Variants in FERMT2 observed in about 807,000 individuals in gnomAD.
The protein encoded by FERMT2 is fermitin family homolog 2.
A neutral mutation model predicts 82.7 loss-of-function variants in FERMT2; 15 were observed. The ratio of observed to expected loss-of-function variants is 0.18; its 90% CI spans 0.12 to 0.28. FERMT2 has a LOEUF of 0.28. Among genes scored for constraint, FERMT2 ranks in the 10% least tolerant of loss-of-function variants. FERMT2 has a pLI of 1.00. For synonymous variants in FERMT2, 274 were observed against 271.5 expected, an observed-to-expected ratio of 1.01 and a Z score of -0.09; for missense variants, 645 against 809.4, an observed-to-expected ratio of 0.80 and a Z score of 2.46.
intron 12 of FERMT2, 133 bp downstream of exon 12, chr14:52,864,268 C>T (rs1281534140): frequency 4.7e-6 from 3 of 640,644 alleles, no homozygotes; most frequent in Non-Finnish European, 8.1e-6. Context: ...GATACTCTAA[C>T]TGTATTTTAT....
chr14:52,869,311 A>G (rs887256808), intron 10 of FERMT2, among the ~76,000 whole-genome samples: 2 of 152,186 alleles, frequency 1.3e-5, no homozygotes, highest in African/African-American at 4.8e-5. Context: ...GAGTTTTTCT[A>G]TTTTTTAAAA....
chr14:52,907,902 G>A (rs1450045406), intron 3 of FERMT2, among the ~76,000 whole-genome samples: 1 of 152,098 alleles, frequency 6.6e-6, no homozygotes, highest in African/African-American at 2.4e-5. Flanking sequence ...AGAAAACACT[G>A]TTAATGAAAT....
chr14:52,924,230 G>A (rs1595000963), intron 2 of FERMT2, among the ~76,000 whole-genome samples: 4 of 152,168 alleles, frequency 2.6e-5, no homozygotes, highest in African/African-American at 9.7e-5. Context: ...AGCAGGAGGT[G>A]GCATCAGAGA....
intron 3 of FERMT2, among the ~76,000 whole-genome samples, chr14:52,909,421 A>G (rs1266416273): frequency 6.6e-6 from 1 of 152,212 alleles, no homozygotes; most frequent in Non-Finnish European, 1.5e-5. Context: ...ATCCAGTTCC[A>G]GCAACCACTT....
intron 13 of FERMT2, 108 bp from the exon 14 acceptor site, chr14:52,859,822 T>A: frequency 2.5e-6 from 1 of 404,294 alleles, no homozygotes; most frequent in Non-Finnish European, 4.0e-6. Flanking sequence ...GTACTATTCT[T>A]TTTTTTTTTT....
At chr14:52,871,437 C>T (rs1041703074) in intron 10 of FERMT2, 1 of 152,190 alleles carries the variant, frequency 6.6e-6, no homozygotes, top group Non-Finnish European at 1.5e-5. Context: ...GGTATCTACA[C>T]TGAAAGTGAA....
At chr14:52,946,107 C>A (rs1261482117) in intron 2 of FERMT2, among the ~76,000 whole-genome samples, 3 of 152,142 alleles carry the variant, frequency 2.0e-5, no homozygotes, top group African/African-American at 7.2e-5. Context: ...GAGCTCCTAA[C>A]CTTCTGATCT....
intron 3 of FERMT2, among the ~76,000 whole-genome samples, chr14:52,915,750 A>T (rs1888580434): frequency 6.6e-6 from 1 of 152,242 alleles, no homozygotes; most frequent in Non-Finnish European, 1.5e-5. Context: ...AACCAATGTT[A>T]ACTTCTACAT....
chr14:52,943,420 G>A (rs2139704432), intron 2 of FERMT2, among the ~76,000 whole-genome samples: 1 of 152,132 alleles, frequency 6.6e-6, no homozygotes, highest in East Asian at 1.9e-4. Flanking sequence ...TCCACACTTG[G>A]TGGCTGTTCT....
intron 12 of FERMT2, chr14:52,860,910 TTTTAAA>T (rs2140049675): frequency 6.0e-6 from 5 of 826,604 alleles, no homozygotes; most frequent in Non-Finnish European, 9.7e-6. Context: ...ATCATTTCTA[TTTTAAA>T]TTTAAATTTC....
At chr14:52,862,973 A>C (rs915080686) in intron 12 of FERMT2, 1 of 152,244 alleles carries the variant, frequency 6.6e-6, no homozygotes, top group African/African-American at 2.4e-5. Context: ...GAAATGATAA[A>C]ATTGGTCAGG....
chr14:52,941,021 G>C (rs906069145), intron 2 of FERMT2, among the ~76,000 whole-genome samples: 1 of 152,106 alleles, frequency 6.6e-6, no homozygotes, highest in South Asian at 2.1e-4. Context: ...GCATTCACAC[G>C]GATGTTTACA....
At chr14:52,907,157 T>G (rs1413243903) in intron 3 of FERMT2, among the ~76,000 whole-genome samples, 1 of 152,072 alleles carries the variant, frequency 6.6e-6, no homozygotes, top group Non-Finnish European at 1.5e-5. Context: ...GAACTACAGG[T>G]GCATGCCACC....
intron 3 of FERMT2, among the ~76,000 whole-genome samples, chr14:52,911,026 T>C (rs1390833116): frequency 6.6e-6 from 1 of 152,200 alleles, no homozygotes; most frequent in Non-Finnish European, 1.5e-5. Context: ...AGTTATATAC[T>C]GTCACTTCAG....
At chr14:52,930,737 C>A (rs1043311709) in intron 2 of FERMT2, among the ~76,000 whole-genome samples, 8 of 152,156 alleles carry the variant, frequency 5.3e-5, no homozygotes, top group Non-Finnish European at 8.8e-5. Context: ...TTTTAACTTG[C>A]TTTCCTTTCC....
chr14:52,896,559 C>T lies in FERMT2; in HGVS notation c.392-3132G>A, dbSNP rs191181000. On this transcript the variant is annotated intron_variant, in intron 3 of 14. Coordinates refer to ENST00000341590, the MANE Select transcript of FERMT2 (RefSeq NM_006832.3). ...TAGCTGTGTGACTCTGGACAAGCTA[C>T]TCAGCCTGTCGGTGTCTGAGTTTCC... is the stretch of plus-strand genomic sequence containing the variant. 1.4e-4 allele frequency among the ~76,000 whole-genome samples: 22 copies of T among 152,366 alleles called. No homozygotes were observed. In the East Asian group the frequency reaches 4.2e-3, roughly 29 times the overall value.
At chr14:52,858,657 G>T in intron 14 of FERMT2, 107 bp from the exon 15 acceptor site, 1 of 971,722 alleles carries the variant, frequency 1.0e-6, no homozygotes, top group Non-Finnish European at 1.5e-6. Flanking sequence ...AACACTTGTT[G>T]ATCCTCAAAT....
In FERMT2 at chr14:52,941,148, T is replaced by C. The variant is rs137994822; in HGVS notation, c.157+9264A>G. 5.9e-4 allele frequency among the ~76,000 whole-genome samples: 90 copies of C among 152,270 alleles called. 1 individual carries two copies. The East Asian group carries it at 0.014, about 23-fold the overall frequency. On this transcript the variant is annotated intron_variant, in intron 2 of 14. Coordinates refer to ENST00000341590, the MANE Select transcript of FERMT2 (RefSeq NM_006832.3). ...ACTACTACTCAGTGATAAAAAACTA[T>C]TGATACAAACACATGAACGAAGCTA... is the stretch of plus-strand genomic sequence containing the variant.
rs1594922067 is a variant in FERMT2, at chr14:52,860,593, A to G, written c.1603-128T>C. The G allele has an allele frequency of 4.0e-6, 3 of 757,928 alleles. No homozygotes were observed. The East Asian group carries it at 8.2e-5, about 21-fold the overall frequency. 47.0% of individuals were successfully genotyped at this position (757,928 alleles called of 1,614,324 possible). A position where few individuals can be genotyped will look rare whatever the true frequency, so the allele number is the denominator to read the frequency against. ...ATCATATTGTAAGAGTTGAAATCAA[A>G]ATATCTGAAGCTACATTTGGACACT... On this transcript the variant is annotated intron_variant, in intron 12 of 14. Coordinates refer to ENST00000341590, the MANE Select transcript of FERMT2 (RefSeq NM_006832.3).
Sources: allele counts gnomAD v4.1 joint callset (sites outside exome capture counted in the v4.1 genomes callset), GRCh38; gene constraint gnomAD v4.1.1; transcripts MANE v1.5; gene names NCBI Gene and HGNC (gene_info 2026-07-23, HGNC 2026-07-21).